Variants in YEATS4 observed in about 807,000 individuals in gnomAD.
YEATS4 encodes the protein YEATS domain-containing protein 4.
Under a neutral mutation model 30.1 loss-of-function variants are expected in YEATS4, and 17 were observed. The ratio of observed to expected loss-of-function variants is 0.56; its 90% CI spans 0.39 to 0.85. YEATS4 has a LOEUF of 0.85. Among genes scored for constraint, YEATS4 ranks in the 40% least tolerant of loss-of-function variants. The pLI is 0.00. For synonymous variants in YEATS4, 85 were observed against 87.5 expected (o/e 0.97, Z 0.16); for missense variants, 142 against 268.3 (o/e 0.53, Z 3.29).
chr12:69,400,098 T>C, the YEATS4 span, among the ~76,000 whole-genome samples: 4 of 152,090 alleles, frequency 2.6e-5, no homozygotes, highest in African/African-American at 9.7e-5. Flanking sequence ...AACTGACTTG[T>C]ATACTTTATG....
the YEATS4 span, among the ~76,000 whole-genome samples, chr12:69,422,230 G>A: frequency 1.1e-4 from 17 of 152,256 alleles, no homozygotes; most frequent in African/African-American, 4.1e-4. Context: ...TTGAGAATGA[G>A]GGTCAAAGTG....
the YEATS4 span, among the ~76,000 whole-genome samples, chr12:69,419,245 T>C: frequency 7.0e-6 from 1 of 143,074 alleles, no homozygotes; most frequent in Non-Finnish European, 1.5e-5. Flanking sequence ...TTTAGAGACA[T>C]GGTCTCACTC....
the YEATS4 span, among the ~76,000 whole-genome samples, chr12:69,398,900 C>G: frequency 4.1e-4 from 63 of 151,854 alleles, 1 homozygote; most frequent in Middle Eastern, 0.01. Context: ...CCTGTAATCC[C>G]AGCACTTTAA....
chr12:69,360,673 T>TC (rs1442297215), intron 1 of YEATS4, among the ~76,000 whole-genome samples: 1 of 151,452 alleles, frequency 6.6e-6, no homozygotes, highest in Non-Finnish European at 1.5e-5. Flanking sequence ...GTTAATTTTT[T>TC]TTTTTTTTTG....
downstream of YEATS4, among the ~76,000 whole-genome samples, chr12:69,393,592 ATAT>A (rs1215434985): frequency 2.0e-5 from 3 of 152,008 alleles, no homozygotes; most frequent in Non-Finnish European, 2.9e-5. Flanking sequence ...AAAAAGGTAA[ATAT>A]TATTTTCTTG....
chr12:69,400,247 G>A, the YEATS4 span, among the ~76,000 whole-genome samples: 4 of 152,026 alleles, frequency 2.6e-5, no homozygotes, highest in Non-Finnish European at 5.9e-5. Flanking sequence ...GGGAGATTAA[G>A]TGCTTTGCCC....
Position 69,364,900 on chromosome 12 carries a change from G to A in YEATS4, c.172-733G>A, listed in dbSNP as rs570676747. ...CTCCCAAAGTGCTGGGATTACAGGC[G>A]TGAGCCACCGTGCCCGGCGTATGTG... On this transcript the variant is annotated intron_variant, in intron 2 of 6. Coordinates refer to ENST00000247843, the MANE Select transcript of YEATS4 (RefSeq NM_006530.4). 2.1e-3 allele frequency among the ~76,000 whole-genome samples: 316 copies of A among 152,168 alleles called. 2 individuals are homozygous for A. The highest frequency in any genetic ancestry group is 6.3e-4 in the Non-Finnish European group (43 of 68,024).
At chr12:69,417,154 A>ATTTTT in the YEATS4 span, among the ~76,000 whole-genome samples, 2 of 68,132 alleles carry the variant, frequency 2.9e-5, no homozygotes, top group Admixed American at 1.6e-4. Context: ...TTTTTTAAAA[A>ATTTTT]TTTTTTTTTT....
chr12:69,382,584 C>T (rs920850893), intron 6 of YEATS4, among the ~76,000 whole-genome samples: 1 of 152,188 alleles, frequency 6.6e-6, no homozygotes, highest in Non-Finnish European at 1.5e-5. Context: ...TGGGACTTTC[C>T]CTTCAGGGCA....
chr12:69,398,549 C>T, the YEATS4 span, among the ~76,000 whole-genome samples: 1 of 152,160 alleles, frequency 6.6e-6, no homozygotes, highest in Non-Finnish European at 1.5e-5. Flanking sequence ...TGCAGTGGCT[C>T]ACACCTGTAA....
chr12:69,423,247 C>T, the YEATS4 span, among the ~76,000 whole-genome samples: 4 of 152,116 alleles, frequency 2.6e-5, no homozygotes, highest in Admixed American at 6.6e-5. Flanking sequence ...TTCACTTAAT[C>T]GTCACTTTTT....
chr12:69,397,185 A>G, the YEATS4 span, among the ~76,000 whole-genome samples: 36 of 152,350 alleles, frequency 2.4e-4, 1 homozygote, highest in East Asian at 3.9e-3. Context: ...GGTTCGGCAT[A>G]TACAAATCCA....
At chr12:69,392,270 CAT>C (rs1199548394), downstream of YEATS4, among the ~76,000 whole-genome samples, 1 of 152,184 alleles carries the variant, frequency 6.6e-6, no homozygotes, top group Non-Finnish European at 1.5e-5. Flanking sequence ...TTGGAACCCT[CAT>C]ATATTGCTGG....
chr12:69,378,226 C>G (rs1875941605), intron 6 of YEATS4, among the ~76,000 whole-genome samples: 1 of 151,846 alleles, frequency 6.6e-6, no homozygotes, highest in African/African-American at 2.4e-5. Flanking sequence ...TTTTTCCATC[C>G]CTTTATTTTC....
chr12:69,370,855 G>A, intron 5 of YEATS4, 33 bp from the exon 6 acceptor site: 1 of 1,602,364 alleles, frequency 6.2e-7, no homozygotes, highest in Non-Finnish European at 8.5e-7. Flanking sequence ...GAACTTTGAA[G>A]TTATTGGGTT....
At chr12:69,375,909 G>A (rs916450848) in intron 6 of YEATS4, among the ~76,000 whole-genome samples, 21 of 152,016 alleles carry the variant, frequency 1.4e-4, no homozygotes, top group Non-Finnish European at 2.2e-4. Context: ...GGAGGGGGAG[G>A]GGGAGACTTC....
intron 1 of YEATS4, among the ~76,000 whole-genome samples, chr12:69,360,616 A>G (rs1043872140): frequency 6.6e-6 from 1 of 151,598 alleles, no homozygotes; most frequent in African/African-American, 2.4e-5. Context: ...ACCCTAGCGT[A>G]ATGTTTGACA....
At chr12:69,413,453 C>A in the YEATS4 span, among the ~76,000 whole-genome samples, 1 of 151,222 alleles carries the variant, frequency 6.6e-6, no homozygotes, top group Non-Finnish European at 1.5e-5. Context: ...AAGAGTGGAT[C>A]TTAGAGTCAC....
At chr12:69,364,047 A>C in intron 2 of YEATS4, 1 of 245,930 alleles carries the variant, frequency 4.1e-6, no homozygotes, top group Non-Finnish European at 8.4e-6. Flanking sequence ...AGTGGTTGCT[A>C]GTGGGTGGGG....
Sources: gnomAD v4.1 joint callset for allele counts (sites outside exome capture counted in the v4.1 genomes callset) on GRCh38, gnomAD v4.1.1 for gene constraint, MANE v1.5 for transcripts, NCBI Gene and HGNC (gene_info 2026-07-23, HGNC 2026-07-21) for gene names.